Variants in CLIP4 observed in about 807,000 individuals in gnomAD.
CLIP4 encodes CAP-Gly domain-containing linker protein 4.
In CLIP4, 47 loss-of-function variants were observed where a neutral mutation model predicts 73.1. The ratio of observed to expected loss-of-function variants is 0.64; its 90% confidence interval spans 0.51 to 0.82. The LOEUF (loss-of-function observed/expected upper bound fraction) is 0.82, where lower values mean the gene tolerates loss of function less well. Ranked by LOEUF, CLIP4 falls within the 40% of genes least tolerant of loss-of-function variation. CLIP4 has a pLI of 0.00. For missense variants in CLIP4, 874 were observed against 852.9 expected, an observed-to-expected ratio of 1.02 and a Z score of -0.31; for synonymous variants, 306 against 295.4, an observed-to-expected ratio of 1.04 and a Z score of -0.37.
intron 8 of CLIP4, among the ~76,000 whole-genome samples, chr2:29,149,588 C>A (rs534395403): frequency 1.1e-4 from 17 of 151,778 alleles, no homozygotes; most frequent in African/African-American, 4.1e-4. Flanking sequence ...TTAAGCCTTA[C>A]AGTTACATGT....
intron 12 of CLIP4, among the ~76,000 whole-genome samples, chr2:29,160,692 G>A (rs1049834018): frequency 1.3e-5 from 2 of 152,120 alleles, no homozygotes; most frequent in African/African-American, 4.8e-5. Flanking sequence ...TAAATGGTCG[G>A]TGTTAAAAAT....
At chr2:29,158,548 A>G (rs1667086491) in intron 11 of CLIP4, among the ~76,000 whole-genome samples, 1 of 152,144 alleles carries the variant, frequency 6.6e-6, no homozygotes, top group Non-Finnish European at 1.5e-5. Context: ...GATATGGGAA[A>G]GTCTGTGTTG....
chr2:29,169,155 T>C (rs3100217), intron 14 of CLIP4, among the ~76,000 whole-genome samples: 20,765 of 152,254 alleles, frequency 0.14, 1,845 homozygotes, highest in Middle Eastern at 0.23. Flanking sequence ...CTAGGGATGC[T>C]GTGACAAAGT....
chr2:29,161,095 C>T (rs868655920), intron 12 of CLIP4, among the ~76,000 whole-genome samples: 7 of 152,182 alleles, frequency 4.6e-5, no homozygotes, highest in Non-Finnish European at 7.3e-5. Flanking sequence ...CTGCCTCAGC[C>T]TCCCGAGTAG....
intron 11 of CLIP4, 26 bp from the exon 12 acceptor site, chr2:29,160,307 C>G (rs1667202227): frequency 6.2e-7 from 1 of 1,613,656 alleles, no homozygotes; most frequent in African/African-American, 1.3e-5. Flanking sequence ...CTGCCCTGCC[C>G]CTGTATCCCT....
intron 15 of CLIP4, among the ~76,000 whole-genome samples, chr2:29,178,919 C>T (rs892579418): frequency 8.5e-5 from 13 of 152,152 alleles, no homozygotes; most frequent in Non-Finnish European, 8.8e-5. Flanking sequence ...CTCAGCCTCT[C>T]GAGTAGCTGG....
intron 7 of CLIP4, among the ~76,000 whole-genome samples, chr2:29,144,393 A>G (rs1666000767): frequency 6.6e-6 from 1 of 152,162 alleles, no homozygotes. Context: ...CCTGGTGATA[A>G]GGATTTGTGT....
intron 8 of CLIP4, 104 bp from the exon 9 acceptor site, chr2:29,152,581 A>G (rs1666645284): frequency 1.7e-6 from 2 of 1,190,542 alleles, no homozygotes; most frequent in Non-Finnish European, 2.4e-6. Context: ...TGCAGTGGGC[A>G]CTAAAGGTTT....
chr2:29,143,374 C>G (rs1235874018), intron 6 of CLIP4, among the ~76,000 whole-genome samples: 2 of 149,814 alleles, frequency 1.3e-5, no homozygotes, highest in African/African-American at 4.9e-5. Context: ...CCATCTCTGT[C>G]TCCACATTTC....
At chr2:29,175,972 A>G (rs540776789) in intron 15 of CLIP4, among the ~76,000 whole-genome samples, 12 of 152,338 alleles carry the variant, frequency 7.9e-5, no homozygotes, top group South Asian at 2.1e-4. Context: ...TGTGTTAGCC[A>G]GGATGGTCTC....
At chr2:29,174,260 G>A in intron 14 of CLIP4, 113 bp from the exon 15 acceptor site, 7 of 965,068 alleles carry the variant, frequency 7.3e-6, no homozygotes, top group Non-Finnish European at 1.1e-5. Context: ...CTGCTGTTTT[G>A]AAAGAAACAT....
In CLIP4 at chr2:29,121,181, G is replaced by C. The variant is rs185598862; in HGVS notation, c.-15-193G>C. On this transcript the variant is annotated intron_variant, in intron 1 of 15. Transcript: ENST00000320081. ...TTACATGTGCTACCGACTGGTATAA[G>C]AGGTGGTGTGAAGCAATGTATGCCT... 7.2e-5 allele frequency among the ~76,000 whole-genome samples: 11 copies of C among 152,274 alleles called. No homozygotes were observed. In the East Asian group the frequency reaches 2.1e-3, roughly 29 times the overall value.
chr2:29,143,311 A>G (rs940498229), intron 6 of CLIP4, among the ~76,000 whole-genome samples: 3 of 151,602 alleles, frequency 2.0e-5, no homozygotes, highest in Non-Finnish European at 4.4e-5. Flanking sequence ...GTGGAGATGC[A>G]TCTCATCAGT....
In CLIP4 at chr2:29,183,562, T is replaced by A. The variant is rs1668741679; in HGVS notation, c.*1669T>A. 6.6e-6 allele frequency: 1 copy of A among 152,632 alleles called. No homozygotes were observed. The highest frequency in any genetic ancestry group is 1.5e-5 in the Non-Finnish European group (1 of 68,026). 9.5% of individuals were successfully genotyped at this position (152,632 alleles called of 1,614,324 possible). A position where few individuals can be genotyped will look rare whatever the true frequency, so the allele number is the denominator to read the frequency against. ...CCACACCAAACTTGGTTATTCATAA[T>A]TTTTCCTGTTAAATATAAAACACTG... On this transcript the variant is annotated 3_prime_UTR_variant, in exon 16 of 16. Coordinates refer to ENST00000320081, the MANE Select transcript of CLIP4 (RefSeq NM_024692.6).
At chr2:29,138,301 G>A (rs1231924511) in intron 6 of CLIP4, among the ~76,000 whole-genome samples, 1 of 152,058 alleles carries the variant, frequency 6.6e-6, no homozygotes, top group Admixed American at 6.6e-5. Context: ...CTTTGTCAAA[G>A]ATCAGTTGGT....
intron 11 of CLIP4, among the ~76,000 whole-genome samples, chr2:29,159,522 T>C (rs906350218): frequency 2.0e-5 from 3 of 152,030 alleles, no homozygotes; most frequent in African/African-American, 7.2e-5. Flanking sequence ...TTTAGGATAA[T>C]TAGAACCGTA....
chr2:29,154,056 A>G (rs945622887), intron 9 of CLIP4, among the ~76,000 whole-genome samples: 3 of 152,204 alleles, frequency 2.0e-5, no homozygotes, highest in Non-Finnish European at 4.4e-5. Context: ...TGAGTTTAGA[A>G]TATCTTTCTG....
rs1209478877 is a variant in CLIP4 at position 29,183,484 on chromosome 2, T to C, written c.*1591T>C. On this transcript the variant is annotated 3_prime_UTR_variant, in exon 16 of 16. Coordinates refer to ENST00000320081, the MANE Select transcript of CLIP4 (RefSeq NM_024692.6). ...CGATTCAAAAGTAAACTTATTTTAT[T>C]ATACAGATTATTTCTTAAAAACTCT... 5 of 152,756 alleles carry C rather than the reference T, an allele frequency of 3.3e-5. No homozygotes were observed. In the South Asian group the frequency reaches 8.3e-4, roughly 25 times the overall value. 9.5% of individuals were successfully genotyped at this position (152,756 alleles called of 1,614,324 possible). A position where few individuals can be genotyped will look rare whatever the true frequency, so the allele number is the denominator to read the frequency against.
chr2:29,143,690 C>T lies in CLIP4; in HGVS notation c.649-19C>T, dbSNP rs1553370997. 2 of 1,533,904 alleles carry T rather than the reference C, an allele frequency of 1.3e-6. No homozygotes were observed. Among genetic ancestry groups the T allele is most frequent in the Non-Finnish European group, 9.0e-7 (1 of 1,108,700 alleles). ...CTCTAAGTAAGAGTTGAACATTTTT[C>T]TCTTATCTTTATTTGTAGAATGACA... On this transcript the variant is annotated intron_variant, in intron 6 of 15. Coordinates refer to ENST00000320081, the MANE Select transcript of CLIP4 (RefSeq NM_024692.6).
Sources: allele counts gnomAD v4.1 joint callset (sites outside exome capture counted in the v4.1 genomes callset), GRCh38; gene constraint gnomAD v4.1.1; transcripts MANE v1.5; gene names NCBI Gene and HGNC (gene_info 2026-07-23, HGNC 2026-07-21).